EPHA6: variants seen among roughly 807,000 people sequenced by gnomAD.
EPHA6 encodes EPH receptor A6, also known as ephrin type-A receptor 6.
A neutral mutation model predicts 112.0 loss-of-function variants in EPHA6; 50 were observed. That is an observed-to-expected ratio of 0.45 (90% confidence interval 0.36 to 0.56). The LOEUF (loss-of-function observed/expected upper bound fraction) is 0.56. EPHA6 is among the 20% of genes least tolerant of loss of function. EPHA6 has a pLI of 0.00. For missense variants in EPHA6, 1,280 were observed against 1,417.4 expected (o/e 0.90, Z 1.56); for synonymous variants, 529 against 490.7 (o/e 1.08, Z -1.03).
At chr3:96,967,774 A>G (rs1293626490) in intron 2 of EPHA6, among the ~76,000 whole-genome samples, 4 of 151,826 alleles carry the variant, frequency 2.6e-5, no homozygotes, top group African/African-American at 9.7e-5. Context: ...GACACAGGAG[A>G]CTGAGTGCTA....
intron 2 of EPHA6, among the ~76,000 whole-genome samples, chr3:96,883,039 C>T (rs2037417378): frequency 6.6e-6 from 1 of 152,110 alleles, no homozygotes; most frequent in Non-Finnish European, 1.5e-5. Flanking sequence ...TTTGTATTCC[C>T]ACCAGCAGTG....
intron 11 of EPHA6, among the ~76,000 whole-genome samples, chr3:97,541,070 G>C (rs1577708609): frequency 6.6e-6 from 1 of 151,952 alleles, no homozygotes; most frequent in East Asian, 1.9e-4. Context: ...ATAAAAACCG[G>C]TAAAAATCTT....
chr3:96,979,294 T>TG (rs1439469568), intron 2 of EPHA6, among the ~76,000 whole-genome samples: 1 of 148,416 alleles, frequency 6.7e-6, no homozygotes, highest in Admixed American at 6.8e-5. Flanking sequence ...AGTGAGAACA[T>TG]GCGGTGTTTG....
intron 1 of EPHA6, among the ~76,000 whole-genome samples, chr3:96,857,141 C>T (rs1363627813): frequency 6.6e-6 from 1 of 152,068 alleles, no homozygotes; most frequent in Non-Finnish European, 1.5e-5. Context: ...CTGTCTTATG[C>T]TTAATTATAC....
chr3:97,225,056 C>T (rs1338754779), intron 3 of EPHA6, among the ~76,000 whole-genome samples: 3 of 152,042 alleles, frequency 2.0e-5, no homozygotes, highest in Non-Finnish European at 2.9e-5. Flanking sequence ...CCCGGGTTCA[C>T]GCCATTCTCC....
In EPHA6 at chr3:97,475,431, C is replaced by T. The variant is rs865888666; in HGVS notation, c.1974C>T (p.Ile658=). 1.2e-6 allele frequency: 2 copies of T among 1,611,816 alleles called. No homozygotes were observed. The highest frequency in any genetic ancestry group is 1.7e-6 in the Non-Finnish European group (2 of 1,178,716). Residue 658 remains isoleucine, a synonymous_variant, in exon 8 of 18, where the codon ATC becomes ATT. Transcript: ENST00000389672. ...AAVGGFTLLV[I]LTLFFLITGR... The stretch of plus-strand genomic sequence containing the variant: ...TTGGCGGATTCACTCTCCTCGTCAT[C>T]CTCACTTTATTCTTCTTGATCACTG...
Position 97,504,892 on chromosome 3 carries a change from G to C in EPHA6, c.2200+20833G>C, listed in dbSNP as rs146353429. On this transcript the variant is annotated intron_variant, in intron 10 of 17. Transcript: ENST00000389672. ...TTCCATGTTATTACATGTAGTATAA[G>C]TTATCTGAACAAATCTGTTTGTAAA... is the stretch of plus-strand genomic sequence containing the variant. 6.6e-3 allele frequency among the ~76,000 whole-genome samples: 996 copies of C among 151,970 alleles called. 12 individuals are homozygous for C. The highest frequency in any genetic ancestry group is 0.022 in the African/African-American group (916 of 41,468).
At chr3:97,303,757 A>G (rs1338395891) in intron 5 of EPHA6, among the ~76,000 whole-genome samples, 1 of 152,056 alleles carries the variant, frequency 6.6e-6, no homozygotes, top group Non-Finnish European at 1.5e-5. Flanking sequence ...ATTTAAAAAA[A>G]TAAATTTGGA....
intron 15 of EPHA6, 116 bp downstream of exon 15, chr3:97,720,526 A>C: frequency 2.7e-5 from 24 of 892,080 alleles, no homozygotes; most frequent in Non-Finnish European, 3.6e-5. Context: ...AGAACTTCTC[A>C]TGGTCTATGG....
At chr3:97,214,412 A>C (rs1389550375) in intron 3 of EPHA6, among the ~76,000 whole-genome samples, 1 of 151,230 alleles carries the variant, frequency 6.6e-6, no homozygotes, top group Non-Finnish European at 1.5e-5. Flanking sequence ...TACTATTGCT[A>C]TACGCCCAAC....
intron 6 of EPHA6, among the ~76,000 whole-genome samples, chr3:97,447,228 G>A (rs1232791215): frequency 6.6e-6 from 1 of 152,096 alleles, no homozygotes; most frequent in African/African-American, 2.4e-5. Flanking sequence ...AAATCTTAAA[G>A]CATCACCAGC....
At chr3:97,375,207 TTC>T (rs2085285383) in intron 5 of EPHA6, among the ~76,000 whole-genome samples, 1 of 152,156 alleles carries the variant, frequency 6.6e-6, no homozygotes, top group South Asian at 2.1e-4. Flanking sequence ...AGGGCTTTCT[TTC>T]TCTCCTTGCA....
intron 5 of EPHA6, among the ~76,000 whole-genome samples, chr3:97,340,718 C>T (rs567474185): frequency 1.5e-4 from 23 of 152,258 alleles, no homozygotes; most frequent in African/African-American, 4.6e-4. Flanking sequence ...GACTTGTAGA[C>T]AGTCACCTTC....
chr3:97,632,343 A>G (rs1407342668), intron 13 of EPHA6, among the ~76,000 whole-genome samples: 1 of 152,058 alleles, frequency 6.6e-6, no homozygotes, highest in Non-Finnish European at 1.5e-5. Context: ...TGAACAAGAC[A>G]AGATATGCTC....
chr3:97,076,870 C>T (rs2046544051), intron 3 of EPHA6, among the ~76,000 whole-genome samples: 1 of 152,126 alleles, frequency 6.6e-6, no homozygotes, highest in South Asian at 2.1e-4. Flanking sequence ...GATGACAGCA[C>T]ATCTATTTAT....
At chr3:97,499,165 T>C (rs928134683) in intron 10 of EPHA6, among the ~76,000 whole-genome samples, 19 of 152,170 alleles carry the variant, frequency 1.2e-4, no homozygotes, top group African/African-American at 4.3e-4. Context: ...ACCTCGATTC[T>C]TGTTCATCTG....
At chr3:97,204,621 G>T (rs947447547) in intron 3 of EPHA6, among the ~76,000 whole-genome samples, 2 of 151,996 alleles carry the variant, frequency 1.3e-5, no homozygotes, top group Non-Finnish European at 2.9e-5. Context: ...AGAATTTAAC[G>T]CAGAGAAGAA....
At chr3:97,403,612 A>G (rs897594972) in intron 5 of EPHA6, among the ~76,000 whole-genome samples, 5 of 151,976 alleles carry the variant, frequency 3.3e-5, no homozygotes, top group African/African-American at 1.2e-4. Context: ...ATGCCTGGCT[A>G]ATTTTGTGTA....
chr3:97,018,216 T>C (rs1018507072), intron 3 of EPHA6, among the ~76,000 whole-genome samples: 2 of 152,054 alleles, frequency 1.3e-5, no homozygotes, highest in Non-Finnish European at 1.5e-5. Context: ...CCCATTTATT[T>C]TGGGGTCTTT....
Sources: allele counts gnomAD v4.1 joint callset (sites outside exome capture counted in the v4.1 genomes callset), GRCh38; gene constraint gnomAD v4.1.1; transcripts MANE v1.5; gene names NCBI Gene and HGNC (gene_info 2026-07-23, HGNC 2026-07-21).